SDK1: variants seen among roughly 807,000 people sequenced by gnomAD.
SDK1 encodes protein sidekick-1.
SDK1 carries 157 observed loss-of-function variants against 245.5 expected under a neutral mutation model. The observed-to-expected ratio is 0.64, with a 90% CI of 0.56 to 0.73. The LOEUF (loss-of-function observed/expected upper bound fraction) is 0.73. SDK1 is among the 30% of genes least tolerant of loss of function. SDK1 has a pLI of 0.00. For missense variants in SDK1, 3,583 were observed against 3,002.3 expected (o/e 1.19, Z -4.52); for synonymous variants, 1,647 against 1,278.5 (o/e 1.29, Z -6.15).
chr7:3,937,176 A>G (rs905636669), intron 5 of SDK1, among the ~76,000 whole-genome samples: 1 of 151,806 alleles, frequency 6.6e-6, no homozygotes, highest in African/African-American at 2.4e-5. Flanking sequence ...GCGGAGGTCT[A>G]CCCAGGAAGG....
intron 1 of SDK1, among the ~76,000 whole-genome samples, chr7:3,495,274 T>TTG: frequency 6.7e-6 from 1 of 148,952 alleles, no homozygotes; most frequent in Non-Finnish European, 1.5e-5. Flanking sequence ...TTTTTTTTTT[T>TTG]TGAAGCGGAG....
At chr7:3,325,686 A>T (rs1779923179) in intron 1 of SDK1, among the ~76,000 whole-genome samples, 1 of 152,184 alleles carries the variant, frequency 6.6e-6, no homozygotes, top group East Asian at 1.9e-4. Context: ...ATATTGCTAA[A>T]TAATGTAGCC....
intron 5 of SDK1, among the ~76,000 whole-genome samples, chr7:3,851,017 AG>A (rs1239305013): frequency 6.6e-6 from 1 of 152,184 alleles, no homozygotes; most frequent in Non-Finnish European, 1.5e-5. Context: ...CAAAAAAAAA[AG>A]AAGACACCTT....
At chr7:3,502,389 A>G (rs1186016905) in intron 1 of SDK1, among the ~76,000 whole-genome samples, 4 of 152,124 alleles carry the variant, frequency 2.6e-5, no homozygotes, top group African/African-American at 7.2e-5. Flanking sequence ...AGGTGGGATT[A>G]CAGGTGCCTA....
intron 19 of SDK1, among the ~76,000 whole-genome samples, chr7:4,053,616 G>A (rs921131675): frequency 6.6e-6 from 1 of 151,980 alleles, no homozygotes; most frequent in Non-Finnish European, 1.5e-5. Context: ...GACCTTGAAC[G>A]CCTTATGTTC....
chr7:3,920,927 G>A (rs1583566704), intron 5 of SDK1, among the ~76,000 whole-genome samples: 1 of 152,224 alleles, frequency 6.6e-6, no homozygotes, highest in South Asian at 2.1e-4. Flanking sequence ...GGGCACTGAG[G>A]GGCACAAGTG....
chr7:3,969,264 C>T lies in SDK1; in HGVS notation c.1554C>T (p.His518=). The T allele has an allele frequency of 6.3e-7, 1 of 1,597,230 alleles. No individual in the cohort carries two copies. The highest frequency in any genetic ancestry group is 8.5e-7 in the Non-Finnish European group (1 of 1,171,674). ...TTCTCCACTGTTCTTTAGAAAACCA[C>T]ATTCTGGCCAGTGGCTCTGTCCGGA... ...KPAITWKREN[H]ILASGSVRIP... Residue 518 remains histidine (H), a synonymous_variant, in exon 11 of 45, where the codon CAC becomes CAT. Coordinates refer to ENST00000404826, the MANE Select transcript of SDK1 (RefSeq NM_152744.4).
rs201584261 is a variant in SDK1, at chr7:4,051,848, C to T, written c.2911+18C>T. 8.6e-5 allele frequency: 138 copies of T among 1,596,156 alleles called. 1 individual carries two copies. Among genetic ancestry groups the T allele is most frequent in the East Asian group, 8.3e-4 (37 of 44,412 alleles). ...GGAAGACAGTGAGTATTCCTTTCTG[C>T]GTGTCTCTTAAGTCACTTGTCAAAG... is the stretch of plus-strand genomic sequence containing the variant. On this transcript the variant is annotated intron_variant, in intron 19 of 44. Coordinates refer to ENST00000404826, the MANE Select transcript of SDK1 (RefSeq NM_152744.4).
intron 4 of SDK1, among the ~76,000 whole-genome samples, chr7:3,808,304 G>A (rs1779300779): frequency 6.6e-6 from 1 of 152,198 alleles, no homozygotes; most frequent in Admixed American, 6.5e-5. Flanking sequence ...ACAACTCCAG[G>A]TGGTGGTTGA....
chr7:3,934,678 A>C lies in SDK1; in HGVS notation c.848-16245A>C, dbSNP rs183139311. Among the ~76,000 whole-genome samples the C allele has an allele frequency of 3.9e-5, 6 of 152,362 alleles. No individual in the cohort carries two copies. The South Asian group carries it at 1.2e-3, about 32-fold the overall frequency. On this transcript the variant is annotated intron_variant, in intron 5 of 44. Transcript: ENST00000404826. ...TATCACGTGCCTTCCAGGAATTTGC[A>C]AGGAGTGGGGCCGATAAGCACGTGT... is the stretch of plus-strand genomic sequence containing the variant.
Position 3,823,457 on chromosome 7 carries a change from G to A in SDK1, c.847+1874G>A, listed in dbSNP as rs1363641110. ...ACATCACAAAGTTATAAAACAGTCC[G>A]TACCTAGTACTTGCCTACCTCCCTA... On this transcript the variant is annotated intron_variant, in intron 5 of 44. Coordinates refer to ENST00000404826, the MANE Select transcript of SDK1 (RefSeq NM_152744.4). Among the ~76,000 whole-genome samples, 20 of 152,194 alleles carry A rather than the reference G, an allele frequency of 1.3e-4. No homozygotes were observed. In the South Asian group the frequency reaches 3.9e-3, roughly 30 times the overall value.
chr7:3,869,045 G>A (rs1780892834), intron 5 of SDK1, among the ~76,000 whole-genome samples: 1 of 151,972 alleles, frequency 6.6e-6, no homozygotes, highest in Admixed American at 6.6e-5. Context: ...GTGATTCTGT[G>A]TGGGAGATTG....
intron 1 of SDK1, among the ~76,000 whole-genome samples, chr7:3,366,303 T>C (rs1397411591): frequency 6.6e-6 from 1 of 152,142 alleles, no homozygotes; most frequent in Admixed American, 6.5e-5. Flanking sequence ...TGCTTTTTCT[T>C]CCTTCTCATA....
intron 40 of SDK1, among the ~76,000 whole-genome samples, chr7:4,223,941 G>T (rs1207780515): frequency 6.6e-6 from 1 of 152,206 alleles, no homozygotes; most frequent in Non-Finnish European, 1.5e-5. Flanking sequence ...GCTGGACCTT[G>T]TTGGCTAATG....
chr7:4,241,717 G>A lies in SDK1; in HGVS notation c.6131-76G>A, dbSNP rs1786531030. ...AGCAGGACTCAGGAGCTGCCCCGCT[G>A]GCCAGCTCTGGCTTGGCGTGGCTGC... is the stretch of plus-strand genomic sequence containing the variant. On this transcript the variant is annotated intron_variant, in intron 42 of 44. Coordinates refer to ENST00000404826, the MANE Select transcript of SDK1 (RefSeq NM_152744.4). The A allele has an allele frequency of 5.0e-6, 8 of 1,588,582 alleles. No individual in the cohort carries two copies. In the Admixed American group the frequency reaches 1.0e-4, roughly 20 times the overall value.
chr7:4,237,005 C>T (rs376073602), intron 41 of SDK1, among the ~76,000 whole-genome samples: 2 of 152,034 alleles, frequency 1.3e-5, no homozygotes, highest in Non-Finnish European at 2.9e-5. Flanking sequence ...CTCCTGGGCT[C>T]AAGTGATCCT....
At chr7:3,622,453 C>G (rs991315225) in intron 2 of SDK1, among the ~76,000 whole-genome samples, 1 of 152,154 alleles carries the variant, frequency 6.6e-6, no homozygotes, top group African/African-American at 2.4e-5. Context: ...TGCACTCCAG[C>G]CTGGGCTACA....
At chr7:3,308,816 C>G (rs543133669) in intron 1 of SDK1, among the ~76,000 whole-genome samples, 19 of 151,988 alleles carry the variant, frequency 1.3e-4, no homozygotes, top group African/African-American at 4.3e-4. Context: ...AATTCTTTAC[C>G]TTGAGGGGGT....
At chr7:3,784,799 C>T (rs58288719) in intron 4 of SDK1, among the ~76,000 whole-genome samples, 2 of 152,104 alleles carry the variant, frequency 1.3e-5, no homozygotes, top group African/African-American at 4.8e-5. Context: ...TGTGGAGATT[C>T]CTCAAAAAAA....
Sources: gnomAD v4.1 joint callset for allele counts (sites outside exome capture counted in the v4.1 genomes callset) on GRCh38, gnomAD v4.1.1 for gene constraint, MANE v1.5 for transcripts, NCBI Gene and HGNC (gene_info 2026-07-23, HGNC 2026-07-21) for gene names.